The following ADGRL4 variants were observed in gnomAD, a reference collection of about 807,000 sequenced individuals.
The protein encoded by ADGRL4 is EGF, latrophilin and seven transmembrane domain containing 1.
In ADGRL4, 90 loss-of-function variants were observed where a neutral mutation model predicts 74.8. That is an observed-to-expected ratio of 1.20 (90% CI 1.02 to 1.43). ADGRL4 has a LOEUF of 1.43. ADGRL4 is among the 40% of genes most tolerant of loss of function. The pLI, the probability that ADGRL4 is intolerant of heterozygous loss-of-function variation, is 0.00. For synonymous variants in ADGRL4, 311 were observed against 279.2 expected, an observed-to-expected ratio of 1.11 and a Z score of -1.14; for missense variants, 881 against 814.3, an observed-to-expected ratio of 1.08 and a Z score of -1.00.
At chr1:78,896,069 T>TC in intron 12 of ADGRL4, among the ~76,000 whole-genome samples, 1 of 151,914 alleles carries the variant, frequency 6.6e-6, no homozygotes, top group East Asian at 1.9e-4. Flanking sequence ...ATTGAACCTA[T>TC]TTATGTACTC....
chr1:78,959,337 C>T (rs1649896503), intron 2 of ADGRL4, among the ~76,000 whole-genome samples: 1 of 152,136 alleles, frequency 6.6e-6, no homozygotes, highest in Non-Finnish European at 1.5e-5. Flanking sequence ...TTATCAGCTA[C>T]AAAATTGGCA....
At chr1:78,976,614 G>A (rs1346172106) in intron 2 of ADGRL4, among the ~76,000 whole-genome samples, 1 of 151,496 alleles carries the variant, frequency 6.6e-6, no homozygotes, top group Non-Finnish European at 1.5e-5. Context: ...CTTTGATTGT[G>A]TATGGAAAAA....
At chr1:78,913,239 AAG>A (rs1444982990) in intron 12 of ADGRL4, among the ~76,000 whole-genome samples, 1 of 151,956 alleles carries the variant, frequency 6.6e-6, no homozygotes, top group Non-Finnish European at 1.5e-5. Context: ...TGATTCCTCA[AAG>A]ACCTAAAAAC....
chr1:78,969,977 T>C (rs1650137795), intron 2 of ADGRL4, among the ~76,000 whole-genome samples: 1 of 152,130 alleles, frequency 6.6e-6, no homozygotes, highest in East Asian at 1.9e-4. Context: ...TGCTCACCAC[T>C]TGGAGGTTTC....
intron 3 of ADGRL4, among the ~76,000 whole-genome samples, chr1:78,940,592 C>T (rs1649455755): frequency 6.6e-6 from 1 of 152,078 alleles, no homozygotes; most frequent in Non-Finnish European, 1.5e-5. Flanking sequence ...AGATCATTAC[C>T]TTGAATTAAT....
At chr1:78,973,041 T>C (rs1650202581) in intron 2 of ADGRL4, among the ~76,000 whole-genome samples, 1 of 152,200 alleles carries the variant, frequency 6.6e-6, no homozygotes, top group African/African-American at 2.4e-5. Flanking sequence ...CTGTTAGCAT[T>C]AGCATTTTCT....
At chr1:78,930,970 C>T (rs6424618) in intron 7 of ADGRL4, among the ~76,000 whole-genome samples, 72,950 of 150,870 alleles carry the variant, frequency 0.48, 18,557 homozygotes, top group Middle Eastern at 0.56. Context: ...GAAGAGTTTA[C>T]TATACAAAGA....
At chr1:78,992,913 G>A (rs543970583) in intron 2 of ADGRL4, among the ~76,000 whole-genome samples, 1 of 151,956 alleles carries the variant, frequency 6.6e-6, no homozygotes, top group Non-Finnish European at 1.5e-5. Flanking sequence ...TACAACAGAG[G>A]ATATTAAATT....
At chr1:78,972,049 C>T (rs1027541754) in intron 2 of ADGRL4, among the ~76,000 whole-genome samples, 4 of 152,134 alleles carry the variant, frequency 2.6e-5, no homozygotes, top group African/African-American at 9.7e-5. Flanking sequence ...ACCACCGTGC[C>T]CGGCCAGGAT....
At chr1:78,926,549 G>T (rs1405927205) in intron 8 of ADGRL4, among the ~76,000 whole-genome samples, 1 of 151,888 alleles carries the variant, frequency 6.6e-6, no homozygotes, top group African/African-American at 2.4e-5. Flanking sequence ...TTACACAAGT[G>T]ACATTTATTT....
At chr1:78,930,111 C>T (rs1009253992) in intron 7 of ADGRL4, among the ~76,000 whole-genome samples, 10 of 151,430 alleles carry the variant, frequency 6.6e-5, no homozygotes, top group African/African-American at 2.2e-4. Context: ...ATAGAGGATA[C>T]GAAAACACTT....
chr1:78,952,411 A>G (rs1328293585), intron 2 of ADGRL4, among the ~76,000 whole-genome samples: 1 of 142,468 alleles, frequency 7.0e-6, no homozygotes, highest in Non-Finnish European at 1.5e-5. Flanking sequence ...TTCTCTTTCC[A>G]TATCAGTACT....
intron 2 of ADGRL4, among the ~76,000 whole-genome samples, chr1:78,976,393 TC>T (rs1277494431): frequency 6.6e-6 from 1 of 151,890 alleles, no homozygotes; most frequent in Non-Finnish European, 1.5e-5. Flanking sequence ...AGTATTTTTT[TC>T]ACTTGTTAAA....
At chr1:78,984,766 C>T (rs1256192560) in intron 2 of ADGRL4, among the ~76,000 whole-genome samples, 1 of 151,644 alleles carries the variant, frequency 6.6e-6, no homozygotes, top group Middle Eastern at 3.2e-3. Flanking sequence ...GAAATTTCTC[C>T]TAGAAATGGA....
chr1:78,941,029 C>T lies in ADGRL4; in HGVS notation c.326-1771G>A, dbSNP rs187392650. ...TCTGACAAGTATATATATTCAAAATCTGTACTACCCAGAAATATGAGCACA... is the reference window on the plus strand; with the variant it reads ...TCTGACAAGTATATATATTCAAAATTTGTACTACCCAGAAATATGAGCACA... On this transcript the variant is annotated intron_variant, in intron 3 of 14. Coordinates refer to ENST00000370742, the MANE Select transcript of ADGRL4 (RefSeq NM_022159.4). Among the ~76,000 whole-genome samples the T allele has an allele frequency of 3.9e-5, 6 of 152,292 alleles. No individual in the cohort carries two copies. The East Asian group carries it at 1.2e-3, about 29-fold the overall frequency.
intron 2 of ADGRL4, among the ~76,000 whole-genome samples, chr1:78,998,016 C>G (rs533824668): frequency 6.6e-6 from 1 of 152,202 alleles, no homozygotes; most frequent in South Asian, 2.1e-4. Flanking sequence ...AGACAAACAA[C>G]GAGGAATAGA....
intron 2 of ADGRL4, among the ~76,000 whole-genome samples, chr1:78,980,579 T>C (rs1016637442): frequency 1.3e-5 from 2 of 151,962 alleles, no homozygotes; most frequent in African/African-American, 4.8e-5. Flanking sequence ...TTTATTTATA[T>C]ATAGTAAAGC....
chr1:78,986,629 T>A (rs980418824), intron 2 of ADGRL4, among the ~76,000 whole-genome samples: 2 of 151,436 alleles, frequency 1.3e-5, no homozygotes, highest in African/African-American at 4.8e-5. Flanking sequence ...AATAAATAAA[T>A]ATTTTAAAAA....
intron 12 of ADGRL4, among the ~76,000 whole-genome samples, chr1:78,897,220 C>T (rs751102173): frequency 1.6e-4 from 24 of 152,146 alleles, no homozygotes; most frequent in Non-Finnish European, 2.5e-4. Context: ...AGCCAGGTTC[C>T]TGTGAGTCCC....
Sources: gnomAD v4.1 joint callset for allele counts (sites outside exome capture counted in the v4.1 genomes callset) on GRCh38, gnomAD v4.1.1 for gene constraint, MANE v1.5 for transcripts, NCBI Gene and HGNC (gene_info 2026-07-23, HGNC 2026-07-21) for gene names.